The following ZNF423 variants were observed in gnomAD, a reference collection of about 807,000 sequenced individuals.
ZNF423 encodes zinc finger protein 423.
Under a neutral mutation model 95.8 loss-of-function variants are expected in ZNF423, and 12 were observed. The observed-to-expected ratio is 0.13, with a 90% CI of 0.08 to 0.20. The LOEUF is 0.20. ZNF423 is among the 10% of genes least tolerant of loss of function. ZNF423 has a pLI of 1.00. For synonymous variants in ZNF423, 749 were observed against 711.9 expected (o/e 1.05, Z -0.83); for missense variants, 1,316 against 1,737.1 (o/e 0.76, Z 4.31).
At chr16:49,817,287 A>G (rs961698793) in intron 1 of ZNF423, among the ~76,000 whole-genome samples, 4 of 152,204 alleles carry the variant, frequency 2.6e-5, no homozygotes, top group Non-Finnish European at 5.9e-5. Context: ...TTTTCCCTAA[A>G]ATGCTGATCT....
At chr16:49,574,625 C>G (rs1410392500) in intron 5 of ZNF423, among the ~76,000 whole-genome samples, 2 of 152,188 alleles carry the variant, frequency 1.3e-5, no homozygotes, top group African/African-American at 2.4e-5. Context: ...TGGAAGCCTG[C>G]TGGAGCCACT....
intron 3 of ZNF423, among the ~76,000 whole-genome samples, chr16:49,641,824 T>C (rs977926373): frequency 3.9e-5 from 6 of 152,198 alleles, no homozygotes; most frequent in Admixed American, 3.9e-4. Flanking sequence ...AGAAGGCAGG[T>C]TAGCAGCTGT....
At chr16:49,827,608 T>C (rs1269509754) in intron 1 of ZNF423, among the ~76,000 whole-genome samples, 2 of 152,120 alleles carry the variant, frequency 1.3e-5, no homozygotes, top group Non-Finnish European at 2.9e-5. Context: ...CTTGAGCTCC[T>C]GGGCTCCGGC....
At chr16:49,543,778 A>G (rs1297572040) in intron 5 of ZNF423, among the ~76,000 whole-genome samples, 1 of 152,218 alleles carries the variant, frequency 6.6e-6, no homozygotes, top group Non-Finnish European at 1.5e-5. Context: ...GAACTCAGGC[A>G]CAGAGCGCCA....
chr16:49,655,585 C>T (rs772253836), intron 3 of ZNF423, among the ~76,000 whole-genome samples: 54 of 152,172 alleles, frequency 3.5e-4, no homozygotes, highest in Non-Finnish European at 6.9e-4. Flanking sequence ...GTATCAACTC[C>T]CCTCACAAGG....
chr16:49,622,543 C>T (rs1010728878), intron 5 of ZNF423, among the ~76,000 whole-genome samples: 1 of 152,222 alleles, frequency 6.6e-6, no homozygotes, highest in East Asian at 1.9e-4. Flanking sequence ...AACGTCCCCC[C>T]TCTTCATCCT....
chr16:49,718,542 G>C (rs1264237629), intron 3 of ZNF423, among the ~76,000 whole-genome samples: 1 of 152,194 alleles, frequency 6.6e-6, no homozygotes, highest in Non-Finnish European at 1.5e-5. Context: ...TGGAAGAAGA[G>C]AGCATCAACA....
Position 49,638,898 on chromosome 16 carries a change from A to G in ZNF423, c.302-24T>C. The stretch of plus-strand genomic sequence containing the variant: ...ATCTGCAAGAGAAGGCAGAGAGGAT[A>G]TTAGAGGCAATTCCCAGGGCTGCCG... On this transcript the variant is annotated intron_variant, in intron 3 of 7. Coordinates refer to ENST00000563137, the MANE Select transcript of ZNF423 (RefSeq NM_001379286.1). This position sits in a 1 kb window ranked among gnomAD's most constrained non-coding sequence, Gnocchi z 5.6. The G allele has an allele frequency of 1.3e-6, 2 of 1,575,014 alleles. No individual in the cohort carries two copies. Among genetic ancestry groups the G allele is most frequent in the East Asian group, 2.3e-5 (1 of 44,426 alleles).
At chr16:49,524,132 G>A (rs373525240) in intron 6 of ZNF423, among the ~76,000 whole-genome samples, 24 of 152,190 alleles carry the variant, frequency 1.6e-4, no homozygotes, top group East Asian at 1.5e-3. Flanking sequence ...GACACCTACA[G>A]GGGTGAGCTT....
chr16:49,846,207 C>T (rs1383832197), intron 1 of ZNF423, among the ~76,000 whole-genome samples: 1 of 147,416 alleles, frequency 6.8e-6, no homozygotes, highest in African/African-American at 2.5e-5. Flanking sequence ...GAGGCTGAGG[C>T]AGGAATTGCT....
At chr16:49,800,684 C>T (rs2034569392) in intron 1 of ZNF423, among the ~76,000 whole-genome samples, 2 of 152,194 alleles carry the variant, frequency 1.3e-5, no homozygotes, top group South Asian at 2.1e-4. Context: ...GGCACAGTGC[C>T]GGGTATCCCA....
intron 1 of ZNF423, among the ~76,000 whole-genome samples, chr16:49,844,245 G>A (rs2035220417): frequency 1.3e-5 from 2 of 152,108 alleles, no homozygotes; most frequent in Non-Finnish European, 2.9e-5. Flanking sequence ...TAACATCAAT[G>A]TACTCCAGCC....
chr16:49,767,278 G>A (rs1448109161), intron 2 of ZNF423, among the ~76,000 whole-genome samples: 1 of 152,162 alleles, frequency 6.6e-6, no homozygotes, highest in Non-Finnish European at 1.5e-5. Flanking sequence ...CCATTAGACT[G>A]TGATGGTCTT....
At chr16:49,822,411 C>T (rs1409270378) in intron 1 of ZNF423, among the ~76,000 whole-genome samples, 4 of 152,034 alleles carry the variant, frequency 2.6e-5, no homozygotes, top group Non-Finnish European at 5.9e-5. Flanking sequence ...TGACCTCAGG[C>T]GATCCACCTG....
chr16:49,702,443 C>G (rs761861843), intron 3 of ZNF423, among the ~76,000 whole-genome samples: 2 of 152,184 alleles, frequency 1.3e-5, no homozygotes, highest in Non-Finnish European at 2.9e-5. Context: ...ACAGCTGTGA[C>G]GGCCCTTGTA....
At position 49,551,084 on chromosome 16, in the gene ZNF423, A is replaced by ATC. The variant is rs1427638109; in HGVS notation, c.3602-25592_3602-25591dup. ...TCATCAGGTCCCAAACAGAAGAGCT[A>ATC]TCTCTATGCCCCTTCCAGGTGGGCC... On this transcript the variant is annotated intron_variant, in intron 5 of 7. Transcript: ENST00000563137. 2.0e-5 allele frequency among the ~76,000 whole-genome samples: 3 copies of ATC among 152,224 alleles called. No individual in the cohort carries two copies. In the East Asian group the frequency reaches 5.8e-4, roughly 29 times the overall value.
chr16:49,574,616 G>A (rs1970441110), intron 5 of ZNF423, among the ~76,000 whole-genome samples: 1 of 152,174 alleles, frequency 6.6e-6, no homozygotes, highest in Non-Finnish European at 1.5e-5. Context: ...ACCTAAGACT[G>A]GAAGCCTGCT....
intron 2 of ZNF423, among the ~76,000 whole-genome samples, chr16:49,768,196 C>G (rs1435993100): frequency 1.3e-5 from 2 of 152,220 alleles, no homozygotes; most frequent in Non-Finnish European, 2.9e-5. Context: ...CCAGACACCA[C>G]CTCTGCTCCA....
At chr16:49,735,893 G>T (rs1396762517) in intron 2 of ZNF423, among the ~76,000 whole-genome samples, 1 of 152,208 alleles carries the variant, frequency 6.6e-6, no homozygotes, top group Non-Finnish European at 1.5e-5. Context: ...GCTGAACCCA[G>T]TTAGCTCATA....
Sources: gnomAD v4.1 joint callset for allele counts (sites outside exome capture counted in the v4.1 genomes callset) on GRCh38, gnomAD v4.1.1 for gene constraint, Gnocchi (gnomAD v3.1) non-coding constraint, MANE v1.5 for transcripts, NCBI Gene and HGNC (gene_info 2026-07-23, HGNC 2026-07-21) for gene names.